RBFOX1: variants seen among roughly 807,000 people sequenced by gnomAD.
The protein encoded by RBFOX1 is RNA binding protein fox-1 homolog 1.
Under a neutral mutation model 57.7 loss-of-function variants are expected in RBFOX1, and 8 were observed. That is an observed-to-expected ratio of 0.14 (90% CI 0.08 to 0.25). The LOEUF is 0.25. Ranked by LOEUF, RBFOX1 falls within the 10% of genes least tolerant of loss-of-function variation. The probability of loss-of-function intolerance (pLI) is 1.00; values close to 1 mark genes in which losing one functional copy is unlikely to be tolerated. For missense variants in RBFOX1, 611 were observed against 548.5 expected, an observed-to-expected ratio of 1.11 and a Z score of -1.14; for synonymous variants, 326 against 222.4, an observed-to-expected ratio of 1.47 and a Z score of -4.15.
chr16:7,447,430 C>CAAAAAAAAAAAAAAAAAAAAAAAAAA (rs202234230), intron 4 of RBFOX1, among the ~76,000 whole-genome samples: 1 of 98,536 alleles, frequency 1.0e-5, no homozygotes, highest in African/African-American at 3.8e-5. Context: ...GAGTCTATCT[C>CAAAAAAAAAAAAAAAAAAAAAAAAAA]AAAAAAAAAA....
chr16:5,389,103 A>G (rs556570659), intron 1 of RBFOX1, among the ~76,000 whole-genome samples: 1 of 151,842 alleles, frequency 6.6e-6, no homozygotes, highest in African/African-American at 2.4e-5. Context: ...AGGCAGGAGA[A>G]TGGCGTGAAC....
At chr16:5,295,736 A>G (rs2063650987) in intron 1 of RBFOX1, among the ~76,000 whole-genome samples, 1 of 152,112 alleles carries the variant, frequency 6.6e-6, no homozygotes, top group South Asian at 2.1e-4. Flanking sequence ...ACTACATCCC[A>G]TCACCTCTGC....
At chr16:6,325,795 T>C (rs1159116461) in intron 2 of RBFOX1, among the ~76,000 whole-genome samples, 1 of 152,212 alleles carries the variant, frequency 6.6e-6, no homozygotes, top group Non-Finnish European at 1.5e-5. Flanking sequence ...ACTTTGTCCA[T>C]GTATAGATGG....
chr16:6,812,081 C>T (rs923937781), intron 3 of RBFOX1, among the ~76,000 whole-genome samples: 1 of 151,984 alleles, frequency 6.6e-6, no homozygotes, highest in Non-Finnish European at 1.5e-5. Flanking sequence ...GTTGTATTAT[C>T]AGACTCCATA....
chr16:6,442,565 A>G (rs895865084), intron 2 of RBFOX1, among the ~76,000 whole-genome samples: 1 of 131,624 alleles, frequency 7.6e-6, no homozygotes, highest in African/African-American at 3.4e-5. Flanking sequence ...TAAAAAAAAA[A>G]GAAAAGAAAA....
chr16:6,892,802 C>A (rs1459833722), intron 3 of RBFOX1, among the ~76,000 whole-genome samples: 2 of 139,702 alleles, frequency 1.4e-5, no homozygotes, highest in African/African-American at 5.7e-5. Flanking sequence ...CTCTCTCTCT[C>A]TCTCTCTCTC....
intron 3 of RBFOX1, among the ~76,000 whole-genome samples, chr16:6,659,408 C>T (rs946252682): frequency 8.5e-5 from 13 of 152,100 alleles, no homozygotes; most frequent in African/African-American, 2.9e-4. Context: ...AGATAGCTTT[C>T]GTGCTGTGGT....
In RBFOX1 at chr16:5,909,367, C is replaced by T. The variant is rs144249292; in HGVS notation, c.351+42032C>T. Among the ~76,000 whole-genome samples the T allele has an allele frequency of 1.7e-3, 262 of 152,230 alleles. 1 individual carries two copies. Among genetic ancestry groups the T allele is most frequent in the African/African-American group, 6.0e-3 (248 of 41,538 alleles). On this transcript the variant is annotated intron_variant, in intron 4 of 19. Transcript: ENST00000641259. ...TTGGCCTCCCAAAGTGCTGGGATTA[C>T]AGGCGTGAGCCACTGTGCCCGGCCC...
At chr16:6,991,014 A>G (rs1449089674) in intron 3 of RBFOX1, among the ~76,000 whole-genome samples, 2 of 151,684 alleles carry the variant, frequency 1.3e-5, no homozygotes, top group African/African-American at 2.4e-5. Context: ...ACAGTTGGCT[A>G]TTTCTGGCCA....
chr16:5,501,887 T>C (rs1414252997), intron 2 of RBFOX1, among the ~76,000 whole-genome samples: 1 of 152,050 alleles, frequency 6.6e-6, no homozygotes, highest in African/African-American at 2.4e-5. Context: ...AGCTAATTTT[T>C]ATTTATTTAT....
chr16:6,654,477 A>T (rs35760157), intron 2 of RBFOX1, 126 bp from the exon 3 acceptor site: 147,987 of 706,660 alleles, frequency 0.21, 15,941 homozygotes, highest in Middle Eastern at 0.24. Context: ...CTCGAGAAAG[A>T]ACTATTAGGA....
chr16:6,776,294 C>A (rs1161140740), intron 3 of RBFOX1, among the ~76,000 whole-genome samples: 3 of 151,932 alleles, frequency 2.0e-5, no homozygotes, highest in African/African-American at 7.3e-5. Flanking sequence ...GCCTGTAGTC[C>A]CAGCTACTCG....
intron 3 of RBFOX1, among the ~76,000 whole-genome samples, chr16:6,737,908 C>T (rs571583140): frequency 1.3e-5 from 2 of 152,226 alleles, no homozygotes; most frequent in East Asian, 1.9e-4. Context: ...GCCTAAGTTA[C>T]ATTTAAAAAT....
At chr16:5,821,896 C>T (rs1245950775) in intron 3 of RBFOX1, among the ~76,000 whole-genome samples, 1 of 152,150 alleles carries the variant, frequency 6.6e-6, no homozygotes, top group Non-Finnish European at 1.5e-5. Context: ...GGCACGGAGC[C>T]TTCATGGCCT....
At chr16:7,236,947 T>C (rs768242770) in intron 4 of RBFOX1, among the ~76,000 whole-genome samples, 43 of 152,208 alleles carry the variant, frequency 2.8e-4, no homozygotes, top group Admixed American at 4.6e-4. Flanking sequence ...CTCTGTGTTG[T>C]GGTTTATAAA....
chr16:6,638,336 C>T (rs544175662), intron 2 of RBFOX1, among the ~76,000 whole-genome samples: 7 of 152,126 alleles, frequency 4.6e-5, no homozygotes, highest in East Asian at 3.9e-4. Context: ...ACTGGTAAAT[C>T]GCATGGCAAA....
intron 3 of RBFOX1, among the ~76,000 whole-genome samples, chr16:6,813,282 A>G (rs1458495757): frequency 6.6e-6 from 1 of 152,142 alleles, no homozygotes; most frequent in African/African-American, 2.4e-5. Flanking sequence ...AGTCCTCAAA[A>G]CAGCCATATT....
chr16:7,153,713 G>A (rs374983192), intron 4 of RBFOX1, among the ~76,000 whole-genome samples: 27 of 118,222 alleles, frequency 2.3e-4, no homozygotes, highest in Admixed American at 1.9e-3. Flanking sequence ...CCTGGTGACA[G>A]TGAGACAGTG....
chr16:7,402,746 G>A (rs1424696933), intron 4 of RBFOX1, among the ~76,000 whole-genome samples: 5 of 152,056 alleles, frequency 3.3e-5, no homozygotes, highest in Non-Finnish European at 5.9e-5. Flanking sequence ...TGAGAAGAAG[G>A]GTGCCCCCCT....
Sources: allele counts gnomAD v4.1 joint callset (sites outside exome capture counted in the v4.1 genomes callset), GRCh38; gene constraint gnomAD v4.1.1; transcripts MANE v1.5; gene names NCBI Gene and HGNC (gene_info 2026-07-23, HGNC 2026-07-21).